FAM228B: variants seen among roughly 807,000 people sequenced by gnomAD.
The protein encoded by FAM228B is family with sequence similarity 228 member B.
FAM228B carries 38 observed loss-of-function variants against 42.6 expected under a neutral mutation model. That is an observed-to-expected ratio of 0.89 (90% CI 0.69 to 1.17). FAM228B has a LOEUF of 1.17. FAM228B is among the 50% of genes most tolerant of loss of function. The pLI is 0.00. For synonymous variants in FAM228B, 109 were observed against 122.3 expected, an observed-to-expected ratio of 0.89 and a Z score of 0.72; for missense variants, 344 against 367.3, an observed-to-expected ratio of 0.94 and a Z score of 0.52.
At chr2:24,108,833 G>A (rs1271879783) in intron 3 of FAM228B, among the ~76,000 whole-genome samples, 6 of 151,544 alleles carry the variant, frequency 4.0e-5, no homozygotes, top group South Asian at 2.1e-4. Flanking sequence ...CCTGGGAGGC[G>A]GAGCTTGCAG....
At position 24,084,526 on chromosome 2, in the gene FAM228B, C is replaced by A. The variant is rs1326606545; in HGVS notation, c.-210+3571C>A. 2 of 679,004 alleles carry A rather than the reference C, an allele frequency of 2.9e-6. No homozygotes were observed. The highest frequency in any genetic ancestry group is 2.3e-6 in the Non-Finnish European group (1 of 441,844). The allele number at this position is 679,004 out of a possible 1,614,324, so 42.1% of individuals were successfully genotyped here. A position where few individuals can be genotyped will look rare whatever the true frequency, so the allele number is the denominator to read the frequency against. On this transcript the variant is annotated intron_variant, in intron 2 of 10. Coordinates refer to the FAM228B transcript ENST00000613899. The surrounding 1 kb of genome is among the most constrained non-coding windows in gnomAD (Gnocchi z 8.4). ...TCTGCCGCGGACCCGGCCTCCGCCC[C>A]GAGCTCCTGCCTGGGAAGTCCTCGG...
At position 24,129,725 on chromosome 2, in the gene FAM228B, T is replaced by A. The variant is rs192513481; in HGVS notation, c.99+5265T>A. Among the ~76,000 whole-genome samples the A allele has an allele frequency of 9.2e-5, 14 of 152,360 alleles. No individual in the cohort carries two copies. The East Asian group carries it at 2.3e-3, about 25-fold the overall frequency. ...TTTCTATTCATTAATTATAAGCATA[T>A]TTTTAAGCATAGCTATCATAACTGT... On this transcript the variant is annotated intron_variant, in intron 2 of 10. Coordinates refer to ENST00000615575, the MANE Select transcript of FAM228B (RefSeq NM_001145710.2).
intron 2 of FAM228B, among the ~76,000 whole-genome samples, chr2:24,083,605 A>G (rs1665112661): frequency 1.3e-5 from 2 of 152,302 alleles, no homozygotes; most frequent in South Asian, 2.1e-4. Context: ...CTGGGCCCCC[A>G]TCACGTTTCT....
chr2:24,121,281 C>G (rs772137902), upstream of FAM228B: 2 of 1,614,138 alleles, frequency 1.2e-6, no homozygotes, highest in South Asian at 1.1e-5. Flanking sequence ...CACCAGTGTT[C>G]GGACATCACT....
At chr2:24,111,488 A>T (rs554153453) in intron 3 of FAM228B, among the ~76,000 whole-genome samples, 1 of 152,262 alleles carries the variant, frequency 6.6e-6, no homozygotes, top group East Asian at 1.9e-4. Context: ...TTTTGATGAC[A>T]CAGCCTAATT....
chr2:24,124,319 A>G lies in FAM228B; in HGVS notation c.-32-11A>G. 7.7e-7 allele frequency: 1 copy of G among 1,293,428 alleles called. No individual in the cohort carries two copies. The highest frequency in any genetic ancestry group is 1.1e-6 in the Non-Finnish European group (1 of 921,728). The allele number at this position is 1,293,428 out of a possible 1,614,324, so 80.1% of individuals were successfully genotyped here. A position where few individuals can be genotyped will look rare whatever the true frequency, so the allele number is the denominator to read the frequency against. ...TGTGAAATGTTCAATACTAAATAAG[A>G]TGATTTTTAGTTTTTCCAGGGGCAT... On this transcript the variant is annotated splice_polypyrimidine_tract_variant and intron_variant, in intron 1 of 10. Transcript: ENST00000615575.
chr2:24,157,724 T>A (rs1667180649), intron 7 of FAM228B, among the ~76,000 whole-genome samples: 1 of 123,516 alleles, frequency 8.1e-6, no homozygotes. Context: ...GGTAACAGAG[T>A]GAGACTCTGT....
chr2:24,150,786 G>T (rs924976047), intron 7 of FAM228B, among the ~76,000 whole-genome samples: 2 of 152,128 alleles, frequency 1.3e-5, no homozygotes, highest in African/African-American at 4.8e-5. Flanking sequence ...CCACTGAAAA[G>T]TCTGCTGCCA....
In FAM228B at chr2:24,077,271, G is replaced by A. The variant is rs563083462; in HGVS notation, c.-290+302G>A. Among the ~76,000 whole-genome samples, 4 of 152,076 alleles carry A rather than the reference G, an allele frequency of 2.6e-5. No homozygotes were observed. The highest frequency in any genetic ancestry group is 5.9e-5 in the Non-Finnish European group (4 of 67,998). ...AGGCGGAATATGTGGGGTTCTGGCG[G>A]CTTGTGTCACGGCTGACGCTGTAAC... On this transcript the variant is annotated intron_variant, in intron 1 of 10. Coordinates refer to the FAM228B transcript ENST00000613899. The surrounding 1 kb of genome is among the most constrained non-coding windows in gnomAD (Gnocchi z 5.5).
intron 7 of FAM228B, among the ~76,000 whole-genome samples, chr2:24,147,636 C>T (rs1666929425): frequency 6.6e-6 from 1 of 151,948 alleles, no homozygotes; most frequent in South Asian, 2.1e-4. Context: ...TTTTTAAGTT[C>T]ACTGCCCTTC....
In FAM228B at chr2:24,124,465, A is replaced by G. The variant is rs576431484; in HGVS notation, c.99+5A>G. ...AAGCCCCTTTGTTTTATGGAGGTAT[A>G]TATCAAATAGTGTGGGATTTGGAGA... On this transcript the variant is annotated splice_donor_5th_base_variant and intron_variant, in intron 2 of 10. Transcript: ENST00000615575. The G allele has an allele frequency of 2.9e-5, 45 of 1,536,038 alleles. No individual in the cohort carries two copies. Among genetic ancestry groups the G allele is most frequent in the Middle Eastern group, 1.7e-4 (1 of 5,936 alleles).
At chr2:24,126,480 A>G (rs995070713) in intron 2 of FAM228B, among the ~76,000 whole-genome samples, 11 of 152,010 alleles carry the variant, frequency 7.2e-5, no homozygotes, top group African/African-American at 1.5e-4. Context: ...CCATTTATCT[A>G]TCTTCTTTGG....
chr2:24,113,597 C>G (rs10196927), intron 3 of FAM228B, among the ~76,000 whole-genome samples: 17,714 of 152,038 alleles, frequency 0.12, 1,239 homozygotes, highest in South Asian at 0.18. Flanking sequence ...AAAAAACAGG[C>G]CGGGCACAGT....
chr2:24,160,527 A>T (rs1248827141), intron 7 of FAM228B, among the ~76,000 whole-genome samples: 1 of 151,858 alleles, frequency 6.6e-6, no homozygotes, highest in African/African-American at 2.4e-5. Flanking sequence ...CTCTTTGTAT[A>T]TATTTTCCAG....
chr2:24,090,907 C>T (rs1665376564), intron 2 of FAM228B, among the ~76,000 whole-genome samples: 2 of 152,200 alleles, frequency 1.3e-5, no homozygotes, highest in Non-Finnish European at 2.9e-5. Context: ...CCACCTCAGC[C>T]TCCTCAGTAG....
upstream of FAM228B, among the ~76,000 whole-genome samples, chr2:24,120,273 A>AC (rs554716457): frequency 2.2e-5 from 3 of 135,944 alleles, no homozygotes; most frequent in African/African-American, 7.8e-5. Context: ...CGTCTCAAAA[A>AC]AAAAAACAAC....
In FAM228B at chr2:24,077,454, C is replaced by CGTA; in HGVS notation, c.-290+485_-290+486insGTA. Reference sequence around the variant, plus strand: ...ACCCTTCCAGTTCACTCTTTATTTCCTCATATCAGCTTTAAACGGCTCTGG... The same window carrying CGTA: ...ACCCTTCCAGTTCACTCTTTATTTCCGTATCATATCAGCTTTAAACGGCTCTGG... On this transcript the variant is annotated intron_variant, in intron 1 of 10. Coordinates refer to the FAM228B transcript ENST00000613899. The surrounding 1 kb of genome is among the most constrained non-coding windows in gnomAD (Gnocchi z 5.5). 8.5e-7 allele frequency: 1 copy of CGTA among 1,173,978 alleles called. No homozygotes were observed. The highest frequency in any genetic ancestry group is 3.0e-5 in the Admixed American group (1 of 33,712). 72.7% of individuals were successfully genotyped at this position (1,173,978 alleles called of 1,614,324 possible).
At chr2:24,088,508 G>C (rs1279527395) in intron 2 of FAM228B, among the ~76,000 whole-genome samples, 1 of 151,964 alleles carries the variant, frequency 6.6e-6, no homozygotes, top group Non-Finnish European at 1.5e-5. Flanking sequence ...GCACCACCAA[G>C]CCCGGCTAAT....
At chr2:24,154,278 C>T (rs1667084467) in intron 7 of FAM228B, among the ~76,000 whole-genome samples, 1 of 152,186 alleles carries the variant, frequency 6.6e-6, no homozygotes, top group Non-Finnish European at 1.5e-5. Context: ...TCTATTCTGC[C>T]ATCTTGCTCT....
Sources: allele counts gnomAD v4.1 joint callset (sites outside exome capture counted in the v4.1 genomes callset), GRCh38; gene constraint gnomAD v4.1.1; non-coding constraint Gnocchi (gnomAD v3.1); transcripts MANE v1.5; gene names NCBI Gene and HGNC (gene_info 2026-07-23, HGNC 2026-07-21).